MYPN: variants seen among roughly 807,000 people sequenced by gnomAD.
MYPN encodes the protein myopalladin.
Under a neutral mutation model 129.4 loss-of-function variants are expected in MYPN, and 63 were observed. The observed-to-expected ratio is 0.49, with a 90% CI of 0.40 to 0.60. MYPN has a LOEUF of 0.60. MYPN is among the 20% of genes least tolerant of loss of function. The pLI, the probability that MYPN is intolerant of heterozygous loss-of-function variation, is 0.00. For synonymous variants in MYPN, 629 were observed against 600.9 expected, an observed-to-expected ratio of 1.05 and a Z score of -0.68; for missense variants, 1,596 against 1,635.4, an observed-to-expected ratio of 0.98 and a Z score of 0.42.
At chr10:68,136,554 G>C (rs2042489992) in intron 2 of MYPN, 11 of 1,444,200 alleles carry the variant, frequency 7.6e-6, no homozygotes, top group Non-Finnish European at 1.0e-5. Flanking sequence ...TTCTAAGTGG[G>C]TCATGCTGTT....
intron 1 of MYPN, among the ~76,000 whole-genome samples, chr10:68,096,683 A>G (rs2041958094): frequency 6.6e-6 from 1 of 152,214 alleles, no homozygotes; most frequent in African/African-American, 2.4e-5. Context: ...AGGAGCATTT[A>G]TTTAGAAGAA....
intron 10 of MYPN, among the ~76,000 whole-genome samples, chr10:68,168,791 G>A (rs546035072): frequency 1.3e-5 from 2 of 151,978 alleles, no homozygotes; most frequent in East Asian, 3.9e-4. Flanking sequence ...CCATGCCAGA[G>A]TCGGGATGAA....
At chr10:68,186,943 G>GTC (rs1450235204) in intron 12 of MYPN, among the ~76,000 whole-genome samples, 1 of 152,156 alleles carries the variant, frequency 6.6e-6, no homozygotes, top group African/African-American at 2.4e-5. Flanking sequence ...GCTATGGCAG[G>GTC]GAGAGGGAGT....
chr10:68,148,613 G>A (rs1473327305), intron 5 of MYPN, 146 bp downstream of exon 5: 3 of 753,668 alleles, frequency 4.0e-6, no homozygotes, highest in Non-Finnish European at 7.2e-6. Context: ...ATGTTTGAGA[G>A]CAGTGGTTCC....
At chr10:68,130,821 G>A (rs2042398701) in intron 2 of MYPN, among the ~76,000 whole-genome samples, 2 of 152,050 alleles carry the variant, frequency 1.3e-5, no homozygotes, top group Admixed American at 6.5e-5. Flanking sequence ...ATGTAAAGCC[G>A]GGAACCCATT....
intron 18 of MYPN, among the ~76,000 whole-genome samples, chr10:68,203,764 C>T (rs1409704608): frequency 1.4e-5 from 2 of 146,442 alleles, no homozygotes; most frequent in African/African-American, 4.9e-5. Flanking sequence ...TGCTCCTCAA[C>T]TTACGATGGA....
intron 2 of MYPN, among the ~76,000 whole-genome samples, chr10:68,138,471 C>A (rs940746546): frequency 2.0e-5 from 3 of 151,528 alleles, no homozygotes; most frequent in African/African-American, 7.3e-5. Context: ...AATGCAATAA[C>A]CACTAATCAG....
rs1457780346 is a variant in MYPN at position 68,202,006 on chromosome 10, A to C, written c.3659+12A>C. On this transcript the variant is annotated intron_variant, in intron 18 of 19. Transcript: ENST00000358913. Reference sequence around the variant, plus strand: ...AGAGAGAGGATCAGGTACAGCAGCCACCACATCCAGAGGGACTCCCACTCT... The same window carrying C: ...AGAGAGAGGATCAGGTACAGCAGCCCCCACATCCAGAGGGACTCCCACTCT... The C allele has an allele frequency of 1.2e-6, 2 of 1,613,930 alleles. No individual in the cohort carries two copies. Among genetic ancestry groups the C allele is most frequent in the South Asian group, 1.1e-5 (1 of 91,082 alleles).
At chr10:68,165,622 A>G (rs1239516592) in intron 8 of MYPN, 80 bp from the exon 9 acceptor site, 11 of 1,049,876 alleles carry the variant, frequency 1.0e-5, no homozygotes, top group Non-Finnish European at 1.3e-5. Context: ...ACTTTGTAGA[A>G]TCATCATCTG....
intron 2 of MYPN, among the ~76,000 whole-genome samples, chr10:68,129,158 C>A (rs1414912541): frequency 6.6e-6 from 1 of 152,120 alleles, no homozygotes; most frequent in East Asian, 1.9e-4. Flanking sequence ...CTCGGACCCA[C>A]TGAATCAGGA....
rs375320760 is a variant in MYPN, at chr10:68,175,474, G to A, written c.2703+13G>A. 188 of 1,613,748 alleles carry A rather than the reference G, an allele frequency of 1.2e-4. 1 individual carries two copies. The African/African-American group carries it at 2.3e-3, about 20-fold the overall frequency. On this transcript the variant is annotated intron_variant, in intron 12 of 19. Transcript: ENST00000358913. The stretch of plus-strand genomic sequence containing the variant: ...ACCAAACCAGCAGGTAAGATTGTTG[G>A]ATTTAGAAGGTTTATTGAAATTTTA...
At chr10:68,171,722 T>C (rs2043147653) in intron 10 of MYPN, among the ~76,000 whole-genome samples, 1 of 152,176 alleles carries the variant, frequency 6.6e-6, no homozygotes. Flanking sequence ...GCAGATTTAC[T>C]CAGAACTAGT....
At chr10:68,177,867 G>A (rs2043252428) in intron 12 of MYPN, among the ~76,000 whole-genome samples, 1 of 152,172 alleles carries the variant, frequency 6.6e-6, no homozygotes, top group South Asian at 2.1e-4. Context: ...GGTCCAGAAA[G>A]CTGGGTTCTC....
chr10:68,161,586 A>C (rs1397573753), intron 7 of MYPN, 143 bp from the exon 8 acceptor site: 1 of 658,598 alleles, frequency 1.5e-6, no homozygotes, highest in Non-Finnish European at 2.7e-6. Flanking sequence ...TGTTGAGATC[A>C]TCTTACTTAA....
chr10:68,167,249 G>C (rs530231703), intron 10 of MYPN, among the ~76,000 whole-genome samples: 1 of 152,276 alleles, frequency 6.6e-6, no homozygotes, highest in African/African-American at 2.4e-5. Flanking sequence ...AAGTACTTCT[G>C]TGCTTCTCTC....
chr10:68,177,063 C>T (rs905403559), intron 12 of MYPN, among the ~76,000 whole-genome samples: 1 of 152,188 alleles, frequency 6.6e-6, no homozygotes, highest in African/African-American at 2.4e-5. Flanking sequence ...TGCTAGCTTG[C>T]ACATACGCTG....
chr10:68,195,087 T>C (rs2043582310), intron 14 of MYPN, among the ~76,000 whole-genome samples: 1 of 152,230 alleles, frequency 6.6e-6, no homozygotes, highest in African/African-American at 2.4e-5. Flanking sequence ...ATAACATCCA[T>C]TCCTACTGAA....
intron 1 of MYPN, among the ~76,000 whole-genome samples, chr10:68,095,532 C>T (rs994760567): frequency 1.3e-5 from 2 of 152,198 alleles, no homozygotes; most frequent in African/African-American, 2.4e-5. Context: ...ACTCCACAAA[C>T]TGAGTACCTA....
At chr10:68,092,375 A>T (rs1006826994) in intron 1 of MYPN, among the ~76,000 whole-genome samples, 1 of 151,950 alleles carries the variant, frequency 6.6e-6, no homozygotes, top group African/African-American at 2.4e-5. Flanking sequence ...GGCGCCTGTT[A>T]TCCCAGCTAC....
Sources: gnomAD v4.1 joint callset for allele counts (sites outside exome capture counted in the v4.1 genomes callset) on GRCh38, gnomAD v4.1.1 for gene constraint, MANE v1.5 for transcripts, NCBI Gene and HGNC (gene_info 2026-07-23, HGNC 2026-07-21) for gene names.